DZIP3: variants seen among roughly 807,000 people sequenced by gnomAD.
The protein encoded by DZIP3 is E3 ubiquitin-protein ligase DZIP3.
A neutral mutation model predicts 162.0 loss-of-function variants in DZIP3; 118 were observed. That is an observed-to-expected ratio of 0.73 (90% CI 0.63 to 0.85). The LOEUF (loss-of-function observed/expected upper bound fraction) is 0.85, where lower values mean the gene tolerates loss of function less well. DZIP3 is among the 40% of genes least tolerant of loss of function. The pLI is 0.00. For missense variants in DZIP3, 1,331 were observed against 1,407.0 expected (o/e 0.95, Z 0.86); for synonymous variants, 438 against 458.6 (o/e 0.96, Z 0.57).
intron 31 of DZIP3, among the ~76,000 whole-genome samples, chr3:108,689,186 G>A (rs981769960): frequency 6.6e-6 from 1 of 152,162 alleles, no homozygotes; most frequent in East Asian, 1.9e-4. Flanking sequence ...CAGTTCCTTC[G>A]AATAGAACTG....
chr3:108,605,621 A>G (rs1160314602), intron 2 of DZIP3, among the ~76,000 whole-genome samples, 183 bp downstream of exon 2: 7 of 152,170 alleles, frequency 4.6e-5, no homozygotes, highest in African/African-American at 1.7e-4. Context: ...AGTTCACAAT[A>G]GAGTTTGCAC....
At chr3:108,690,644 C>G (rs1051701646) in intron 31 of DZIP3, 143 bp from the exon 32 acceptor site, 4 of 647,096 alleles carry the variant, frequency 6.2e-6, no homozygotes, top group Non-Finnish European at 1.0e-5. Flanking sequence ...GCCATGGTTG[C>G]AGCAATTGGT....
intron 21 of DZIP3, among the ~76,000 whole-genome samples, chr3:108,663,725 CTT>C (rs1268747303): frequency 2.0e-5 from 3 of 152,212 alleles, no homozygotes; most frequent in Non-Finnish European, 2.9e-5. Context: ...CTCCGCAACT[CTT>C]TACCGCTGAC....
intron 12 of DZIP3, among the ~76,000 whole-genome samples, chr3:108,639,663 G>A (rs1942300381): frequency 6.7e-6 from 1 of 150,156 alleles, no homozygotes; most frequent in African/African-American, 2.5e-5. Flanking sequence ...CCTAATGTTG[G>A]CAATTTGTGT....
intron 19 of DZIP3, 198 bp downstream of exon 19, chr3:108,654,508 A>G (rs1051994142): frequency 1.7e-5 from 9 of 540,856 alleles, no homozygotes; most frequent in Admixed American, 1.0e-4. Flanking sequence ...GGAGCTGGAA[A>G]CTTCACTTTA....
At chr3:108,618,890 G>A (rs13097993) in intron 5 of DZIP3, among the ~76,000 whole-genome samples, 34,871 of 151,266 alleles carry the variant, frequency 0.23, 4,722 homozygotes, top group Non-Finnish European at 0.31. Flanking sequence ...GTGAAACCCC[G>A]TGTGTACCAA....
intron 5 of DZIP3, 26 bp downstream of exon 5, chr3:108,616,683 GAT>G: frequency 6.8e-7 from 1 of 1,477,894 alleles, no homozygotes; most frequent in Non-Finnish European, 9.3e-7. Context: ...TTGGAAATTT[GAT>G]ATAATGGACT....
intron 22 of DZIP3, 139 bp downstream of exon 22, chr3:108,669,888 C>A (rs1488753134): frequency 1.6e-6 from 1 of 629,926 alleles, no homozygotes; most frequent in East Asian, 2.8e-5. Flanking sequence ...ACTAATAATA[C>A]ACTGGGACAA....
At chr3:108,659,259 C>A (rs1340100917) in intron 19 of DZIP3, among the ~76,000 whole-genome samples, 2 of 152,160 alleles carry the variant, frequency 1.3e-5, no homozygotes, top group Admixed American at 6.5e-5. Flanking sequence ...TACTGGCAAA[C>A]TGAATCCAGC....
chr3:108,688,726 C>A lies in DZIP3; in HGVS notation c.3404C>A (p.Ala1135Asp). Residue 1135 changes from alanine to aspartate, a missense_variant, in exon 30 of 33, where the codon GCC becomes GAC. Coordinates refer to ENST00000361582, the MANE Select transcript of DZIP3 (RefSeq NM_014648.4). ...TSQGPATWEG[A>D]SNPDEEEEEE... is the part of the protein sequence containing the mutation. Reference sequence around the variant, plus strand: ...CAGGGTCCTGCCACATGGGAAGGAGCCAGTAATCCAGTGAGACTGAAATTT... The same window carrying A: ...CAGGGTCCTGCCACATGGGAAGGAGACAGTAATCCAGTGAGACTGAAATTT... The A allele has an allele frequency of 4.3e-6, 7 of 1,613,830 alleles. No individual in the cohort carries two copies. The highest frequency in any genetic ancestry group is 5.9e-6 in the Non-Finnish European group (7 of 1,179,932).
At chr3:108,668,590 T>G (rs1218931699) in intron 21 of DZIP3, among the ~76,000 whole-genome samples, 2 of 151,992 alleles carry the variant, frequency 1.3e-5, no homozygotes, top group African/African-American at 4.8e-5. Flanking sequence ...TTTTACTGCT[T>G]TTCAACTCTG....
chr3:108,662,089 C>T (rs906319869), intron 20 of DZIP3, 41 bp from the exon 21 acceptor site: 3 of 1,572,174 alleles, frequency 1.9e-6, no homozygotes, highest in African/African-American at 2.8e-5. Flanking sequence ...TTTCTGGTGA[C>T]TTGAACATAA....
intron 21 of DZIP3, among the ~76,000 whole-genome samples, chr3:108,668,508 C>T (rs1448031082): frequency 6.6e-6 from 1 of 151,910 alleles, no homozygotes; most frequent in South Asian, 2.1e-4. Flanking sequence ...ATTGCCCACT[C>T]TAAACTAGAG....
At chr3:108,589,515 C>T (rs543718110), upstream of DZIP3, 6 of 587,026 alleles carry the variant, frequency 1.0e-5, no homozygotes, top group East Asian at 1.8e-4. Context: ...CCGGAAGTCC[C>T]TAGGCACCCT....
chr3:108,655,939 G>C (rs1576425561), intron 19 of DZIP3, among the ~76,000 whole-genome samples: 1 of 152,302 alleles, frequency 6.6e-6, no homozygotes, highest in South Asian at 2.1e-4. Flanking sequence ...TGGCAGCGAG[G>C]CTAGGGGAGG....
chr3:108,600,008 C>G (rs1006188434), intron 1 of DZIP3, among the ~76,000 whole-genome samples: 2 of 152,144 alleles, frequency 1.3e-5, no homozygotes, highest in African/African-American at 4.8e-5. Context: ...CAGATGTACT[C>G]AGATCAACAA....
chr3:108,644,049 CT>C (rs1559752322), intron 13 of DZIP3, 114 bp from the exon 14 acceptor site: 18 of 1,312,012 alleles, frequency 1.4e-5, no homozygotes, highest in Non-Finnish European at 1.6e-5. Flanking sequence ...CTGTACTATC[CT>C]TCATTCTTTT....
intron 11 of DZIP3, among the ~76,000 whole-genome samples, chr3:108,637,079 G>T (rs1354201828): frequency 1.3e-5 from 2 of 151,802 alleles, no homozygotes; most frequent in Admixed American, 1.3e-4. Flanking sequence ...TCCTATGAAG[G>T]TATCTACAGA....
chr3:108,637,019 G>A (rs943505835), intron 11 of DZIP3, among the ~76,000 whole-genome samples: 4 of 151,896 alleles, frequency 2.6e-5, no homozygotes, highest in African/African-American at 9.7e-5. Context: ...GACACCTAAG[G>A]TTAAAAATAA....
Sources: gnomAD v4.1 joint callset for allele counts (sites outside exome capture counted in the v4.1 genomes callset) on GRCh38, gnomAD v4.1.1 for gene constraint, MANE v1.5 for transcripts, NCBI Gene and HGNC (gene_info 2026-07-23, HGNC 2026-07-21) for gene names.